Variants in TAFA4 observed in about 807,000 individuals in gnomAD.
TAFA4 encodes the protein chemokine-like protein TAFA-4.
In TAFA4, 20 loss-of-function variants were observed where a neutral mutation model predicts 21.1. The observed-to-expected ratio is 0.95, with a 90% confidence interval of 0.67 to 1.38. The LOEUF is 1.38. Among genes scored for constraint, TAFA4 ranks in the 40% most tolerant of loss-of-function variants. The probability of loss-of-function intolerance (pLI) is 0.00; values close to 1 mark genes in which losing one functional copy is unlikely to be tolerated. For synonymous variants in TAFA4, 71 were observed against 67.4 expected (o/e 1.05, Z -0.26); for missense variants, 211 against 180.9 (o/e 1.17, Z -0.95).
intron 3 of TAFA4, among the ~76,000 whole-genome samples, chr3:68,833,233 T>C (rs567171319): frequency 6.6e-6 from 1 of 152,202 alleles, no homozygotes; most frequent in East Asian, 1.9e-4. Flanking sequence ...GTCCCACTGA[T>C]ACCTCAGTTG....
chr3:68,743,981 G>T (rs1222092388), intron 4 of TAFA4, among the ~76,000 whole-genome samples: 1 of 152,112 alleles, frequency 6.6e-6, no homozygotes, highest in Admixed American at 6.5e-5. Context: ...AATAAGAGAT[G>T]GCCCCCAGAC....
At chr3:68,927,569 TA>T (rs1310679109) in intron 1 of TAFA4, among the ~76,000 whole-genome samples, 2 of 152,144 alleles carry the variant, frequency 1.3e-5, no homozygotes, top group African/African-American at 4.8e-5. Flanking sequence ...TTTATCTTTT[TA>T]AAAAAAGCTT....
chr3:68,893,238 A>C (rs1011586720), intron 1 of TAFA4, among the ~76,000 whole-genome samples: 1 of 152,194 alleles, frequency 6.6e-6, no homozygotes, highest in Admixed American at 6.5e-5. Context: ...TTTTATCTGA[A>C]AAGTTTTTAC....
Position 68,810,859 on chromosome 3 carries a change from C to T in TAFA4, c.131-57841G>A, listed in dbSNP as rs369265041. On this transcript the variant is annotated intron_variant, in intron 3 of 5. Coordinates refer to ENST00000295569, the MANE Select transcript of TAFA4 (RefSeq NM_182522.5). ...CAGCACACAGCTGGATATCTGAGAA[C>T]GGACAGACTGCAACCTCAAGTGGGT... Among the ~76,000 whole-genome samples, 398 of 152,284 alleles carry T rather than the reference C, an allele frequency of 2.6e-3. 4 individuals are homozygous for T. Among genetic ancestry groups the T allele is most frequent in the African/African-American group, 8.6e-3 (357 of 41,578 alleles).
At chr3:68,773,505 A>C (rs1248527423) in intron 3 of TAFA4, among the ~76,000 whole-genome samples, 2 of 152,120 alleles carry the variant, frequency 1.3e-5, no homozygotes, top group South Asian at 2.1e-4. Context: ...GACTAAACCC[A>C]ATCTCCAGCT....
At chr3:68,804,353 T>C (rs1703641120) in intron 3 of TAFA4, among the ~76,000 whole-genome samples, 1 of 151,882 alleles carries the variant, frequency 6.6e-6, no homozygotes, top group Non-Finnish European at 1.5e-5. Context: ...AAAATCAACA[T>C]CGTGAAAATG....
chr3:68,870,164 A>T (rs1379443777), intron 3 of TAFA4, among the ~76,000 whole-genome samples: 3 of 152,126 alleles, frequency 2.0e-5, no homozygotes, highest in Non-Finnish European at 4.4e-5. Flanking sequence ...AATCTCTACA[A>T]AGAAAACTAT....
intron 3 of TAFA4, among the ~76,000 whole-genome samples, chr3:68,754,875 A>T (rs1702631164): frequency 6.6e-6 from 1 of 152,184 alleles, no homozygotes; most frequent in African/African-American, 2.4e-5. Context: ...GAGCTGTGTC[A>T]TATTCTCATC....
chr3:68,880,239 CTT>C (rs1344850525), intron 3 of TAFA4, among the ~76,000 whole-genome samples: 3 of 152,260 alleles, frequency 2.0e-5, no homozygotes, highest in African/African-American at 7.2e-5. Context: ...AGCTTTTTCT[CTT>C]TTCTTTTTTT....
At chr3:68,880,643 A>G in intron 3 of TAFA4, 87 bp downstream of exon 3, 8 of 1,069,178 alleles carry the variant, frequency 7.5e-6, no homozygotes, top group Non-Finnish European at 1.1e-5. Context: ...AGAAGCTCAC[A>G]TCAGTTATCT....
intron 3 of TAFA4, among the ~76,000 whole-genome samples, chr3:68,839,348 C>T (rs1325489749): frequency 2.0e-5 from 3 of 152,158 alleles, no homozygotes; most frequent in African/African-American, 7.2e-5. Context: ...GCAAGACTTT[C>T]TCAAGTTACA....
chr3:68,882,828 G>C (rs2089632909), intron 2 of TAFA4: 1 of 152,200 alleles, frequency 6.6e-6, no homozygotes, highest in Non-Finnish European at 1.5e-5. Context: ...CTTCATGTGT[G>C]TACACTGAGG....
intron 3 of TAFA4, among the ~76,000 whole-genome samples, chr3:68,797,282 G>A (rs1575612264): frequency 6.6e-6 from 1 of 152,192 alleles, no homozygotes; most frequent in African/African-American, 2.4e-5. Context: ...TAAACAAAAT[G>A]TGGTATGTAC....
chr3:68,855,455 T>A (rs1483580077), intron 3 of TAFA4, among the ~76,000 whole-genome samples: 1 of 152,032 alleles, frequency 6.6e-6, no homozygotes, highest in Non-Finnish European at 1.5e-5. Context: ...ATAGTAAAAA[T>A]TTAGCAAACC....
At chr3:68,737,554 A>C (rs1702267518) in intron 5 of TAFA4, among the ~76,000 whole-genome samples, 1 of 152,208 alleles carries the variant, frequency 6.6e-6, no homozygotes, top group Non-Finnish European at 1.5e-5. Context: ...ACCGACAACT[A>C]TTCCATTGAT....
intron 3 of TAFA4, among the ~76,000 whole-genome samples, chr3:68,770,931 T>C (rs946074719): frequency 6.6e-6 from 1 of 152,146 alleles, no homozygotes; most frequent in Non-Finnish European, 1.5e-5. Flanking sequence ...GCCTGAGCTC[T>C]AGAGGGCACA....
intron 1 of TAFA4, among the ~76,000 whole-genome samples, chr3:68,894,401 C>T (rs1035393253): frequency 1.3e-5 from 2 of 152,168 alleles, no homozygotes; most frequent in African/African-American, 4.8e-5. Flanking sequence ...CTCAAGCGAT[C>T]CTCCTGCCTT....
At chr3:68,735,149 G>C (rs1702215536) in intron 5 of TAFA4, among the ~76,000 whole-genome samples, 1 of 152,096 alleles carries the variant, frequency 6.6e-6, no homozygotes, top group African/African-American at 2.4e-5. Context: ...GAGGGTAAAG[G>C]AGTCATCTGA....
intron 3 of TAFA4, among the ~76,000 whole-genome samples, chr3:68,791,677 C>A (rs1218350428): frequency 6.6e-6 from 1 of 152,076 alleles, no homozygotes; most frequent in East Asian, 1.9e-4. Context: ...AAGAAATAAA[C>A]CATACTGTGC....
Sources: gnomAD v4.1 joint callset for allele counts (sites outside exome capture counted in the v4.1 genomes callset) on GRCh38, gnomAD v4.1.1 for gene constraint, MANE v1.5 for transcripts, NCBI Gene and HGNC (gene_info 2026-07-23, HGNC 2026-07-21) for gene names.